Variants in DACH2 observed in about 807,000 individuals in gnomAD.
DACH2 encodes dachshund homolog 2.
A neutral mutation model predicts 35.8 loss-of-function variants in DACH2; 17 were observed. The observed-to-expected ratio is 0.48, with a 90% confidence interval of 0.33 to 0.71. The LOEUF is 0.71. Ranked by LOEUF, DACH2 falls within the 30% of genes least tolerant of loss-of-function variation. The probability of loss-of-function intolerance (pLI) is 0.02; values close to 1 mark genes in which losing one functional copy is unlikely to be tolerated. For synonymous variants in DACH2, 195 were observed against 177.3 expected (o/e 1.10, Z -0.79); for missense variants, 469 against 472.7 (o/e 0.99, Z 0.07).
At chrX:86,590,827 A>G (rs1028607469) in intron 3 of DACH2, among the ~76,000 whole-genome samples, 1 of 110,815 alleles carries the variant, frequency 9.0e-6, no homozygotes, top group Admixed American at 9.6e-5. Context: ...TTTTATTATT[A>G]TTATACTTTA....
At chrX:86,692,779 A>G (rs1435702517) in intron 4 of DACH2, among the ~76,000 whole-genome samples, 2 of 111,756 alleles carry the variant, frequency 1.8e-5, no homozygotes, top group South Asian at 3.7e-4. Context: ...GGTAATTCAT[A>G]TCTTGAACAT....
intron 4 of DACH2, among the ~76,000 whole-genome samples, chrX:86,658,318 T>C (rs2040566517): frequency 8.9e-6 from 1 of 111,805 alleles, no homozygotes; most frequent in Non-Finnish European, 1.9e-5. Context: ...TCTTCTATTT[T>C]GCTTAAGTTG....
chrX:86,324,077 G>C (rs768215405), intron 1 of DACH2, among the ~76,000 whole-genome samples: 2 of 112,083 alleles, frequency 1.8e-5, no homozygotes, highest in African/African-American at 6.5e-5. Flanking sequence ...GCTGCTCTTT[G>C]TTAGAAGAGA....
intron 1 of DACH2, among the ~76,000 whole-genome samples, chrX:86,154,777 T>C (rs960667609): frequency 1.7e-4 from 19 of 111,708 alleles, no homozygotes; most frequent in African/African-American, 6.2e-4. Context: ...ATTCTTAGCT[T>C]GTTATCATGA....
At chrX:86,388,031 C>A (rs1161227320) in intron 2 of DACH2, among the ~76,000 whole-genome samples, 1 of 112,088 alleles carries the variant, frequency 8.9e-6, no homozygotes, top group Non-Finnish European at 1.9e-5. Context: ...TTCAAGCTGA[C>A]CAGATTTTCC....
chrX:86,567,201 T>C (rs761758720), intron 3 of DACH2, among the ~76,000 whole-genome samples: 10 of 112,123 alleles, frequency 8.9e-5, no homozygotes, highest in Non-Finnish European at 1.9e-4. Context: ...GAATAAATGA[T>C]TCACTTTAGA....
At chrX:86,459,427 G>A (rs12842396) in intron 2 of DACH2, among the ~76,000 whole-genome samples, 12,162 of 110,820 alleles carry the variant, frequency 0.11, 695 homozygotes, top group Middle Eastern at 0.25. Context: ...CAACCTTTGC[G>A]CACCCAGTTT....
At chrX:86,779,775 G>A (rs1386280193) in intron 7 of DACH2, among the ~76,000 whole-genome samples, 1 of 111,933 alleles carries the variant, frequency 8.9e-6, no homozygotes, top group Non-Finnish European at 1.9e-5. Flanking sequence ...TCATGTGAGA[G>A]GAAAACAGAA....
At chrX:86,165,517 C>T (rs1357116795) in intron 1 of DACH2, among the ~76,000 whole-genome samples, 7 of 110,843 alleles carry the variant, frequency 6.3e-5, no homozygotes, top group Admixed American at 2.9e-4. Flanking sequence ...TGGATATAAG[C>T]GATTTAAATT....
At chrX:86,651,956 G>A (rs1293196970) in intron 4 of DACH2, among the ~76,000 whole-genome samples, 1 of 111,663 alleles carries the variant, frequency 9.0e-6, no homozygotes. Context: ...TTTTATTTTA[G>A]GTTTAGGAGT....
chrX:86,399,515 G>A (rs921598504), intron 2 of DACH2, among the ~76,000 whole-genome samples: 7 of 111,705 alleles, frequency 6.3e-5, no homozygotes, highest in African/African-American at 1.6e-4. Context: ...TGCAGTGGCC[G>A]GTACCAGTTG....
intron 1 of DACH2, among the ~76,000 whole-genome samples, chrX:86,162,868 C>T (rs1439512648): frequency 9.0e-6 from 1 of 110,635 alleles, no homozygotes; most frequent in African/African-American, 3.3e-5. Context: ...TTTGTATATA[C>T]ACTTTTTTAG....
At chrX:86,648,501 G>A (rs985010145) in intron 3 of DACH2, among the ~76,000 whole-genome samples, 1 of 111,148 alleles carries the variant, frequency 9.0e-6, no homozygotes, top group African/African-American at 3.3e-5. Flanking sequence ...TGAATAAAAG[G>A]CCAAATTGCT....
At chrX:86,285,282 G>A (rs1416625179) in intron 1 of DACH2, among the ~76,000 whole-genome samples, 3 of 111,010 alleles carry the variant, frequency 2.7e-5, no homozygotes, top group Non-Finnish European at 5.7e-5. Flanking sequence ...TTTATTTGAA[G>A]TTTTACTTCA....
At chrX:86,428,947 A>G (rs938096768) in intron 2 of DACH2, among the ~76,000 whole-genome samples, 5 of 111,224 alleles carry the variant, frequency 4.5e-5, no homozygotes, top group Non-Finnish European at 7.5e-5. Flanking sequence ...TTGTATATAC[A>G]CGATTTAATT....
rs768705088 is a variant in DACH2 at position 86,336,106 on chromosome X, A to G, written c.489-40718A>G. 5.4e-5 allele frequency among the ~76,000 whole-genome samples: 6 copies of G among 111,670 alleles called. No homozygotes were observed. In the East Asian group the frequency reaches 1.4e-3, roughly 26 times the overall value. The stretch of plus-strand genomic sequence containing the variant: ...GCTTCCCAGGTATGAAGCCAACTTG[A>G]TCATGGTGGATAAGCTTTTTGATGT... On this transcript the variant is annotated intron_variant, in intron 1 of 11. Coordinates refer to ENST00000373125, the MANE Select transcript of DACH2 (RefSeq NM_053281.3).
At chrX:86,475,275 T>G (rs2037824455) in intron 2 of DACH2, among the ~76,000 whole-genome samples, 1 of 111,423 alleles carries the variant, frequency 9.0e-6, no homozygotes, top group Non-Finnish European at 1.9e-5. Context: ...GTAGATTGCT[T>G]AGGGTAGTAT....
rs1487774017 is a variant in DACH2 at position 86,348,687 on chromosome X, G to A, written c.489-28137G>A. 3.6e-5 allele frequency among the ~76,000 whole-genome samples: 4 copies of A among 111,997 alleles called. No individual in the cohort carries two copies. The Admixed American group carries it at 3.8e-4, about 11-fold the overall frequency. ...AATGGAAAAAAAGGAACATTTCCTT[G>A]GTAAGGTGGACATAACTTATGTTAA... is the stretch of plus-strand genomic sequence containing the variant. On this transcript the variant is annotated intron_variant, in intron 1 of 11. Coordinates refer to ENST00000373125, the MANE Select transcript of DACH2 (RefSeq NM_053281.3).
At chrX:86,612,936 G>A (rs1293859106) in intron 3 of DACH2, among the ~76,000 whole-genome samples, 1 of 112,073 alleles carries the variant, frequency 8.9e-6, no homozygotes, top group East Asian at 2.8e-4. Context: ...ATTGTTCTAG[G>A]ACTTGAAATA....
Sources: allele counts gnomAD v4.1 joint callset (sites outside exome capture counted in the v4.1 genomes callset), GRCh38; gene constraint gnomAD v4.1.1; transcripts MANE v1.5; gene names NCBI Gene and HGNC (gene_info 2026-07-23, HGNC 2026-07-21).